RGS7: variants seen among roughly 807,000 people sequenced by gnomAD.
RGS7 encodes regulator of G protein signaling 7.
RGS7 carries 27 observed loss-of-function variants against 81.1 expected under a neutral mutation model. The ratio of observed to expected loss-of-function variants is 0.33; its 90% CI spans 0.25 to 0.46. RGS7 has a LOEUF of 0.46. RGS7 is among the 20% of genes least tolerant of loss of function. The pLI, the probability that RGS7 is intolerant of heterozygous loss-of-function variation, is 1.00. For synonymous variants in RGS7, 208 were observed against 207.7 expected, an observed-to-expected ratio of 1.00 and a Z score of -0.01; for missense variants, 396 against 607.4, an observed-to-expected ratio of 0.65 and a Z score of 3.66.
chr1:241,118,053 A>G (rs532790927), intron 2 of RGS7, among the ~76,000 whole-genome samples: 2 of 152,232 alleles, frequency 1.3e-5, no homozygotes, highest in Non-Finnish European at 2.9e-5. Flanking sequence ...AAGTTTTACA[A>G]AACAATAGCT....
intron 9 of RGS7, among the ~76,000 whole-genome samples, chr1:240,858,488 A>C (rs748832489): frequency 6.6e-6 from 1 of 152,142 alleles, no homozygotes; most frequent in African/African-American, 2.4e-5. Context: ...TAATGACGTG[A>C]TGTTGAGCAT....
At chr1:240,986,177 C>T (rs1017750465) in intron 3 of RGS7, among the ~76,000 whole-genome samples, 4 of 152,036 alleles carry the variant, frequency 2.6e-5, no homozygotes, top group Non-Finnish European at 5.9e-5. Context: ...CTTTGTGCTC[C>T]GTCTGCTCAG....
chr1:241,261,603 T>C (rs1051470897), intron 2 of RGS7, among the ~76,000 whole-genome samples: 6 of 131,462 alleles, frequency 4.6e-5, no homozygotes, highest in African/African-American at 1.8e-4. Flanking sequence ...CACTCCAGCC[T>C]GGGCGACAGG....
chr1:241,239,455 T>C (rs759750562), intron 2 of RGS7, among the ~76,000 whole-genome samples: 3 of 152,146 alleles, frequency 2.0e-5, no homozygotes, highest in Non-Finnish European at 4.4e-5. Context: ...TGTCCCCCCT[T>C]CACTCAAATG....
At chr1:240,977,683 C>A (rs1484742338) in intron 4 of RGS7, among the ~76,000 whole-genome samples, 1 of 152,172 alleles carries the variant, frequency 6.6e-6, no homozygotes, top group East Asian at 1.9e-4. Flanking sequence ...GTAGAGAAGA[C>A]TCTAGGAGAT....
intron 3 of RGS7, among the ~76,000 whole-genome samples, chr1:241,078,301 C>CCG (rs1553411153): frequency 1.3e-4 from 17 of 130,274 alleles, no homozygotes; most frequent in Non-Finnish European, 2.3e-4. Flanking sequence ...CTTCTGGTCT[C>CCG]TGTGTGTGTG....
intron 2 of RGS7, among the ~76,000 whole-genome samples, chr1:241,255,372 G>C (rs1345766675): frequency 6.6e-6 from 1 of 152,214 alleles, no homozygotes; most frequent in Non-Finnish European, 1.5e-5. Context: ...ATCATTGACA[G>C]GTGTAGTTAG....
rs114538377 is a variant in RGS7 at position 240,885,764 on chromosome 1, G to C, written c.386-15645C>G. Among the ~76,000 whole-genome samples the C allele has an allele frequency of 3.8e-3, 579 of 152,250 alleles. 6 individuals carry two copies. The highest frequency in any genetic ancestry group is 0.013 in the African/African-American group (559 of 41,546). On this transcript the variant is annotated intron_variant, in intron 6 of 18. Transcript: ENST00000440928. ...TCTACTTGAGAGTGGAGGGTGGGAG[G>C]AGGAAGAGGAGCAGAAAAACATTAA... is the stretch of plus-strand genomic sequence containing the variant.
intron 6 of RGS7, 133 bp downstream of exon 6, chr1:240,930,584 A>C: frequency 2.3e-6 from 2 of 864,618 alleles, no homozygotes; most frequent in Non-Finnish European, 3.9e-6. Context: ...TTATCAATTC[A>C]ATGTTAAAAA....
Position 240,812,690 on chromosome 1 carries a change from G to A in RGS7, c.957-647C>T, listed in dbSNP as rs576688260. On this transcript the variant is annotated intron_variant, in intron 13 of 18. Coordinates refer to ENST00000440928, the MANE Select transcript of RGS7 (RefSeq NM_001364886.1). The stretch of plus-strand genomic sequence containing the variant: ...CCTCAGGTGATCCACCCACCAAAGC[G>A]TCCCAAAGTGTTGGGATTACAGGTG... Among the ~76,000 whole-genome samples, 95 of 152,084 alleles carry A rather than the reference G, an allele frequency of 6.2e-4. 1 individual carries two copies. Among genetic ancestry groups the A allele is most frequent in the Non-Finnish European group, 7.5e-4 (51 of 67,980 alleles).
intron 2 of RGS7, among the ~76,000 whole-genome samples, chr1:241,327,032 A>AGGGAGGGAGAGAGGGAGGGAGGGAGGG (rs1558320484): frequency 3.8e-4 from 1 of 2,658 alleles, no homozygotes; most frequent in South Asian, 0.017. Flanking sequence ...GGAAGGAAGG[A>AGGGAGGGAGAGAGGGAGGGAGGGAGGG]AGGAAGGGAG....
At chr1:241,196,593 T>C (rs564146177) in intron 2 of RGS7, among the ~76,000 whole-genome samples, 11 of 151,810 alleles carry the variant, frequency 7.2e-5, no homozygotes, top group Admixed American at 3.9e-4. Context: ...ATTTAAAAGA[T>C]TAAATAAGGT....
intron 4 of RGS7, among the ~76,000 whole-genome samples, chr1:240,958,253 G>C (rs1334248585): frequency 1.3e-5 from 2 of 152,196 alleles, no homozygotes; most frequent in Non-Finnish European, 2.9e-5. Context: ...ATTCATTTCT[G>C]CTGTGTTCCA....
intron 2 of RGS7, among the ~76,000 whole-genome samples, chr1:241,165,972 G>T (rs906219826): frequency 1.3e-5 from 2 of 152,066 alleles, no homozygotes; most frequent in Non-Finnish European, 2.9e-5. Flanking sequence ...CAGAACCTCA[G>T]ATCTACTGAA....
chr1:241,248,503 A>G (rs2686223), intron 2 of RGS7, among the ~76,000 whole-genome samples: 81,197 of 150,924 alleles, frequency 0.54, 22,071 homozygotes, highest in Admixed American at 0.57. Flanking sequence ...ACTGTGGTTC[A>G]GTCTCCCATC....
intron 6 of RGS7, among the ~76,000 whole-genome samples, chr1:240,924,248 A>G (rs1317098523): frequency 6.6e-6 from 1 of 152,180 alleles, no homozygotes; most frequent in Non-Finnish European, 1.5e-5. Context: ...ATTATCATGT[A>G]TGAAAGATGT....
intron 2 of RGS7, among the ~76,000 whole-genome samples, chr1:241,221,951 A>C (rs2075043000): frequency 6.6e-6 from 1 of 152,092 alleles, no homozygotes; most frequent in Admixed American, 6.6e-5. Flanking sequence ...TATACACTTT[A>C]TACACACACA....
intron 2 of RGS7, among the ~76,000 whole-genome samples, chr1:241,283,543 A>C (rs142757388): frequency 6.6e-6 from 1 of 151,642 alleles, no homozygotes; most frequent in Non-Finnish European, 1.5e-5. Context: ...TTTTAATGAA[A>C]ATTTTTAAGA....
chr1:240,807,347 T>A (rs1369883133), intron 14 of RGS7, among the ~76,000 whole-genome samples: 2 of 152,148 alleles, frequency 1.3e-5, no homozygotes, highest in Non-Finnish European at 2.9e-5. Context: ...TGTGTTATCC[T>A]CCATAAACAC....
Sources: allele counts gnomAD v4.1 joint callset (sites outside exome capture counted in the v4.1 genomes callset), GRCh38; gene constraint gnomAD v4.1.1; transcripts MANE v1.5; gene names NCBI Gene and HGNC (gene_info 2026-07-23, HGNC 2026-07-21).